PHLPP1: variants seen among roughly 807,000 people sequenced by gnomAD.
The protein encoded by PHLPP1 is PH domain leucine-rich repeat-containing protein phosphatase 1.
Under a neutral mutation model 117.2 loss-of-function variants are expected in PHLPP1, and 42 were observed. The observed-to-expected ratio is 0.36, with a 90% CI of 0.28 to 0.46. The LOEUF is 0.46. Among genes scored for constraint, PHLPP1 ranks in the 20% least tolerant of loss-of-function variants. The pLI is 1.00. For missense variants in PHLPP1, 2,084 were observed against 2,241.9 expected (o/e 0.93, Z 1.42); for synonymous variants, 1,042 against 970.7 (o/e 1.07, Z -1.37).
intron 1 of PHLPP1, among the ~76,000 whole-genome samples, chr18:62,733,553 G>A (rs1056516510): frequency 6.6e-6 from 1 of 152,082 alleles, no homozygotes. Context: ...CATTTAATCA[G>A]TAATTACTGT....
intron 2 of PHLPP1, among the ~76,000 whole-genome samples, chr18:62,830,549 A>G (rs12965132): frequency 0.068 from 10,379 of 152,220 alleles, 399 homozygotes; most frequent in Middle Eastern, 0.088. Context: ...TTTAAAACAA[A>G]CAAAATACTA....
At chr18:62,937,525 C>A (rs1910010437) in intron 10 of PHLPP1, among the ~76,000 whole-genome samples, 1 of 152,218 alleles carries the variant, frequency 6.6e-6, no homozygotes, top group South Asian at 2.1e-4. Flanking sequence ...AATTATTTTT[C>A]AACATTTGAA....
chr18:62,956,576 G>C (rs951153593), intron 12 of PHLPP1, among the ~76,000 whole-genome samples: 1 of 152,072 alleles, frequency 6.6e-6, no homozygotes, highest in Non-Finnish European at 1.5e-5. Flanking sequence ...TTGCACCTAT[G>C]TTTGAGATTT....
intron 1 of PHLPP1, among the ~76,000 whole-genome samples, chr18:62,743,187 T>C (rs1023570667): frequency 2.0e-5 from 3 of 152,214 alleles, no homozygotes. Context: ...TATTGAAGTA[T>C]TATTTTCTGT....
At chr18:62,793,200 T>A (rs1310228673) in intron 1 of PHLPP1, among the ~76,000 whole-genome samples, 1 of 152,028 alleles carries the variant, frequency 6.6e-6, no homozygotes, top group Non-Finnish European at 1.5e-5. Flanking sequence ...AAACAAAACC[T>A]GTATAAAGCT....
intron 12 of PHLPP1, among the ~76,000 whole-genome samples, chr18:62,946,534 C>G (rs998002877): frequency 9.9e-5 from 15 of 151,896 alleles, no homozygotes; most frequent in Non-Finnish European, 8.8e-5. Flanking sequence ...TCCCAAAGTG[C>G]TGGGATTACA....
chr18:62,818,790 G>C (rs1354602056), intron 1 of PHLPP1, among the ~76,000 whole-genome samples: 1 of 151,944 alleles, frequency 6.6e-6, no homozygotes, highest in Non-Finnish European at 1.5e-5. Flanking sequence ...TATTGTGGGT[G>C]GGCAAGGGGG....
rs1385393905 is a variant in PHLPP1 at position 62,715,763 on chromosome 18, C to G, written c.80C>G (p.Ala27Gly). ...REDRASAPAA[A>G]AAAAAAAAAA... ...GACCGAGCTTCGGCTCCGGCGGCCG[C>G]CGCTGCGGCAGCAGCAGCAGCAGCG... Residue 27 changes from alanine to glycine, a missense_variant, in exon 1 of 17, where the codon GCC becomes GGC. Coordinates refer to ENST00000262719, the MANE Select transcript of PHLPP1 (RefSeq NM_194449.4). The G allele has an allele frequency of 3.0e-5, 28 of 947,768 alleles. No homozygotes were observed. The highest frequency in any genetic ancestry group is 4.5e-4 in the Middle Eastern group (1 of 2,214). The allele number at this position is 947,768 out of a possible 1,614,324, so 58.7% of individuals were successfully genotyped here. A position where few individuals can be genotyped will look rare whatever the true frequency, so the allele number is the denominator to read the frequency against.
At chr18:62,782,697 A>G (rs1268578657) in intron 1 of PHLPP1, among the ~76,000 whole-genome samples, 1 of 152,172 alleles carries the variant, frequency 6.6e-6, no homozygotes, top group Non-Finnish European at 1.5e-5. Flanking sequence ...TTTAATATCT[A>G]TCCCTAGGTA....
intron 10 of PHLPP1, among the ~76,000 whole-genome samples, chr18:62,931,884 A>G (rs1399865942): frequency 1.3e-5 from 2 of 148,750 alleles, no homozygotes; most frequent in Non-Finnish European, 3.0e-5. Context: ...GACAGAAAAA[A>G]AAAAAAAAAA....
At chr18:62,797,925 G>A (rs1913672615) in intron 1 of PHLPP1, among the ~76,000 whole-genome samples, 1 of 152,268 alleles carries the variant, frequency 6.6e-6, no homozygotes, top group Admixed American at 6.5e-5. Flanking sequence ...GGCATATAGG[G>A]CCATGTATGT....
chr18:62,787,286 CCTCACGAGTAGCTG>C (rs1369451835), intron 1 of PHLPP1, among the ~76,000 whole-genome samples: 3 of 152,200 alleles, frequency 2.0e-5, no homozygotes, highest in African/African-American at 7.2e-5. Flanking sequence ...CCTGCCTCAG[CCTCACGAGTAGCTG>C]GGACTACAGG....
intron 1 of PHLPP1, among the ~76,000 whole-genome samples, chr18:62,819,827 G>A (rs1035401483): frequency 5.9e-5 from 9 of 152,120 alleles, no homozygotes; most frequent in African/African-American, 2.2e-4. Context: ...TGTATTTTTA[G>A]TAGAGAAGGG....
At chr18:62,747,630 C>T (rs1353262493) in intron 1 of PHLPP1, among the ~76,000 whole-genome samples, 1 of 152,110 alleles carries the variant, frequency 6.6e-6, no homozygotes, top group African/African-American at 2.4e-5. Context: ...GATTCTCCCA[C>T]CTCAGCCTCC....
intron 1 of PHLPP1, among the ~76,000 whole-genome samples, chr18:62,753,813 A>G (rs985789520): frequency 6.6e-6 from 1 of 152,232 alleles, no homozygotes; most frequent in African/African-American, 2.4e-5. Context: ...TTTCTCTGCA[A>G]GTTCAATTAA....
chr18:62,897,749 C>G (rs1916600780), intron 6 of PHLPP1, among the ~76,000 whole-genome samples: 1 of 152,128 alleles, frequency 6.6e-6, no homozygotes, highest in Admixed American at 6.5e-5. Flanking sequence ...TCAAGTGATC[C>G]ACCTGCCTCG....
Position 62,903,264 on chromosome 18 carries a change from A to C in PHLPP1, c.2647+98A>C. The stretch of plus-strand genomic sequence containing the variant: ...CTGATTATTCTTTGCTCAAGTAGTT[A>C]GTAAAATAGCTCAAATTTTGCTAAA... On this transcript the variant is annotated intron_variant, in intron 7 of 16. Transcript: ENST00000262719. 6.2e-6 allele frequency: 5 copies of C among 800,038 alleles called. No homozygotes were observed. The South Asian group carries it at 9.0e-5, about 14-fold the overall frequency. 49.6% of individuals were successfully genotyped at this position (800,038 alleles called of 1,614,324 possible).
At chr18:62,820,105 G>T (rs1430439609) in intron 1 of PHLPP1, among the ~76,000 whole-genome samples, 1 of 152,140 alleles carries the variant, frequency 6.6e-6, no homozygotes, top group Non-Finnish European at 1.5e-5. Context: ...GATAAAGAAG[G>T]TCATTTTATA....
intron 10 of PHLPP1, among the ~76,000 whole-genome samples, chr18:62,936,663 T>G (rs990603123): frequency 6.6e-6 from 1 of 152,226 alleles, no homozygotes; most frequent in South Asian, 2.1e-4. Context: ...CTCTGCGATA[T>G]TTTTGCCAAA....
Sources: allele counts gnomAD v4.1 joint callset (sites outside exome capture counted in the v4.1 genomes callset), GRCh38; gene constraint gnomAD v4.1.1; transcripts MANE v1.5; gene names NCBI Gene and HGNC (gene_info 2026-07-23, HGNC 2026-07-21).